TFEC: variants seen among roughly 807,000 people sequenced by gnomAD.
TFEC encodes class E basic helix-loop-helix protein 34.
TFEC carries 31 observed loss-of-function variants against 41.6 expected under a neutral mutation model. That is an observed-to-expected ratio of 0.74 (90% CI 0.56 to 1.01). TFEC has a LOEUF of 1.01. TFEC is among the 50% of genes least tolerant of loss of function. The pLI, the probability that TFEC is intolerant of heterozygous loss-of-function variation, is 0.00. For synonymous variants in TFEC, 143 were observed against 140.6 expected (o/e 1.02, Z -0.12); for missense variants, 402 against 404.1 (o/e 0.99, Z 0.04).
chr7:116,158,738 A>G (rs1054061558), intron 1 of TFEC, among the ~76,000 whole-genome samples: 6 of 152,136 alleles, frequency 3.9e-5, no homozygotes, highest in Non-Finnish European at 7.4e-5. Context: ...GCATATTACT[A>G]TAAAAATGTG....
At chr7:115,966,005 T>C (rs1218188548) in intron 3 of TFEC, among the ~76,000 whole-genome samples, 1 of 151,580 alleles carries the variant, frequency 6.6e-6, no homozygotes, top group East Asian at 1.9e-4. Context: ...CCGCCACTAG[T>C]ATTTCTTCAT....
At chr7:116,074,438 TG>T (rs1449739410) in intron 3 of TFEC, among the ~76,000 whole-genome samples, 1 of 152,070 alleles carries the variant, frequency 6.6e-6, no homozygotes, top group African/African-American at 2.4e-5. Context: ...CCATTAAAAA[TG>T]GGCAAAGGAT....
At chr7:116,002,600 G>T (rs1392417860) in intron 1 of TFEC, among the ~76,000 whole-genome samples, 2 of 152,116 alleles carry the variant, frequency 1.3e-5, no homozygotes, top group Non-Finnish European at 2.9e-5. Context: ...ATAAGATCTA[G>T]TGTTTTATGG....
intron 1 of TFEC, among the ~76,000 whole-genome samples, chr7:115,988,014 T>C (rs1216849308): frequency 6.6e-6 from 1 of 152,204 alleles, no homozygotes; most frequent in Non-Finnish European, 1.5e-5. Flanking sequence ...ATCATATCTT[T>C]AGAACTCAAA....
At chr7:116,124,571 T>G (rs1353855242) in intron 1 of TFEC, among the ~76,000 whole-genome samples, 1 of 152,190 alleles carries the variant, frequency 6.6e-6, no homozygotes, top group Non-Finnish European at 1.5e-5. Context: ...TGAAGAAGTC[T>G]GCAGAATAAG....
At chr7:116,054,843 A>G (rs1054228676) in intron 3 of TFEC, among the ~76,000 whole-genome samples, 1 of 152,140 alleles carries the variant, frequency 6.6e-6, no homozygotes, top group Non-Finnish European at 1.5e-5. Context: ...TAAACTGGAT[A>G]AGATAGATCT....
intron 5 of TFEC, among the ~76,000 whole-genome samples, chr7:115,952,740 A>G (rs1365727067): frequency 6.6e-6 from 1 of 152,054 alleles, no homozygotes; most frequent in Non-Finnish European, 1.5e-5. Flanking sequence ...ACTTCATGTC[A>G]TGGTGGTTTC....
intron 1 of TFEC, among the ~76,000 whole-genome samples, chr7:116,004,767 G>T (rs1408993742): frequency 6.6e-6 from 1 of 151,228 alleles, no homozygotes; most frequent in Admixed American, 6.6e-5. Flanking sequence ...GTAAGGAAGA[G>T]AAAAAGCCAT....
intron 2 of TFEC, among the ~76,000 whole-genome samples, chr7:115,981,585 ATT>A (rs1182576024): frequency 1.3e-5 from 2 of 152,224 alleles, no homozygotes; most frequent in Non-Finnish European, 2.9e-5. Flanking sequence ...TCATCAAGCA[ATT>A]AACAGACTAA....
intron 1 of TFEC, among the ~76,000 whole-genome samples, chr7:116,020,397 A>C (rs1795349189): frequency 6.6e-6 from 1 of 152,204 alleles, no homozygotes; most frequent in Admixed American, 6.5e-5. Context: ...GATTTGAAGC[A>C]ACAAGATGAT....
At chr7:115,975,456 G>C (rs1162494530) in intron 2 of TFEC, among the ~76,000 whole-genome samples, 1 of 152,014 alleles carries the variant, frequency 6.6e-6, no homozygotes, top group African/African-American at 2.4e-5. Flanking sequence ...AGATATCTAG[G>C]AACTTAAGAG....
At chr7:115,998,133 C>G (rs1476053810) in intron 1 of TFEC, among the ~76,000 whole-genome samples, 1 of 151,962 alleles carries the variant, frequency 6.6e-6, no homozygotes, top group Non-Finnish European at 1.5e-5. Context: ...AGATCTAACT[C>G]AAAGAAGGCT....
chr7:115,987,034 A>C (rs993676205), intron 1 of TFEC, among the ~76,000 whole-genome samples: 1 of 152,196 alleles, frequency 6.6e-6, no homozygotes, highest in African/African-American at 2.4e-5. Context: ...ACTTTTCTCA[A>C]AGCAAGAATA....
intron 1 of TFEC, among the ~76,000 whole-genome samples, chr7:116,153,549 G>T (rs1798806083): frequency 6.6e-6 from 1 of 152,110 alleles, no homozygotes; most frequent in African/African-American, 2.4e-5. Context: ...ACCGTGCCCA[G>T]CTGGCTATTT....
chr7:116,117,737 G>T (rs1798023405), intron 1 of TFEC, among the ~76,000 whole-genome samples: 4 of 151,854 alleles, frequency 2.6e-5, no homozygotes, highest in African/African-American at 9.7e-5. Context: ...GTGTGCCAAA[G>T]ATGGGATTAG....
At chr7:115,982,368 C>A (rs1263819959) in intron 2 of TFEC, among the ~76,000 whole-genome samples, 1 of 152,174 alleles carries the variant, frequency 6.6e-6, no homozygotes, top group Non-Finnish European at 1.5e-5. Flanking sequence ...CACAGCTATA[C>A]TATACTGACT....
chr7:116,105,056 C>T (rs1173418285), intron 3 of TFEC, among the ~76,000 whole-genome samples: 4 of 152,130 alleles, frequency 2.6e-5, no homozygotes, highest in Non-Finnish European at 5.9e-5. Context: ...TTGAATCCGA[C>T]CTCCATTCCC....
chr7:116,151,636 G>A (rs191454343), intron 1 of TFEC, among the ~76,000 whole-genome samples: 54 of 152,092 alleles, frequency 3.6e-4, no homozygotes, highest in African/African-American at 1.2e-3. Context: ...TTTCCAAAAT[G>A]AGAACTTGTT....
intron 3 of TFEC, among the ~76,000 whole-genome samples, chr7:116,064,067 C>T (rs959746543): frequency 1.3e-5 from 2 of 151,978 alleles, no homozygotes; most frequent in African/African-American, 4.8e-5. Context: ...ACTGGGGTTT[C>T]CTGGGATGGA....
Sources: gnomAD v4.1 joint callset for allele counts (sites outside exome capture counted in the v4.1 genomes callset) on GRCh38, gnomAD v4.1.1 for gene constraint, MANE v1.5 for transcripts, NCBI Gene and HGNC (gene_info 2026-07-23, HGNC 2026-07-21) for gene names.